AFG2A: variants seen among roughly 807,000 people sequenced by gnomAD.
AFG2A encodes ATPase family gene 2 protein homolog A.
At chr4:123,278,678 A>C in the AFG2A span, among the ~76,000 whole-genome samples, 1 of 152,168 alleles carries the variant, frequency 6.6e-6, no homozygotes. Flanking sequence ...GTTTCAAAGA[A>C]TTTCTTGATG....
At chr4:122,947,452 G>A in the AFG2A span, 4 of 1,613,548 alleles carry the variant, frequency 2.5e-6, no homozygotes, top group Admixed American at 1.7e-5. Flanking sequence ...TCATGGATAC[G>A]TTGGAGCAGA....
At chr4:123,247,220 C>CGTGTGTGT in the AFG2A span, among the ~76,000 whole-genome samples, 4 of 93,728 alleles carry the variant, frequency 4.3e-5, no homozygotes, top group Non-Finnish European at 1.1e-4. Flanking sequence ...TGCTTACTTG[C>CGTGTGTGT]GTGCGTGTGT....
At chr4:122,932,064 C>T in the AFG2A span, among the ~76,000 whole-genome samples, 2 of 151,448 alleles carry the variant, frequency 1.3e-5, no homozygotes, top group Admixed American at 1.3e-4. Context: ...CTTAGGAGTT[C>T]GAGACCAGCC....
the AFG2A span, among the ~76,000 whole-genome samples, chr4:123,012,612 T>G: frequency 6.6e-6 from 1 of 152,152 alleles, no homozygotes; most frequent in African/African-American, 2.4e-5. Flanking sequence ...GAAGACTGTC[T>G]TCTCAAGTCT....
chr4:123,074,138 G>T, the AFG2A span, among the ~76,000 whole-genome samples: 1 of 126,090 alleles, frequency 7.9e-6, no homozygotes. Flanking sequence ...CTGTTGCCCA[G>T]GCTGGAGTGC....
the AFG2A span, among the ~76,000 whole-genome samples, chr4:123,118,348 A>AT: frequency 3.8e-5 from 2 of 52,162 alleles, no homozygotes; most frequent in African/African-American, 7.2e-5. Context: ...ATTATATTAT[A>AT]TATATTATAT....
the AFG2A span, among the ~76,000 whole-genome samples, chr4:123,015,402 C>T: frequency 6.6e-6 from 1 of 151,876 alleles, no homozygotes; most frequent in Admixed American, 6.6e-5. Flanking sequence ...GAGCATGCTG[C>T]CTTCAAGCAT....
chr4:123,295,145 G>A, the AFG2A span, among the ~76,000 whole-genome samples: 1 of 152,176 alleles, frequency 6.6e-6, no homozygotes, highest in African/African-American at 2.4e-5. Context: ...AAGACTGAGT[G>A]TGAGTCAGCT....
the AFG2A span, among the ~76,000 whole-genome samples, chr4:122,941,109 G>A: frequency 2.0e-5 from 3 of 149,652 alleles, no homozygotes; most frequent in Admixed American, 2.0e-4. Flanking sequence ...TTGACTTGGT[G>A]ATGCGGGCTC....
chr4:123,141,225 C>G, the AFG2A span, among the ~76,000 whole-genome samples: 2 of 152,134 alleles, frequency 1.3e-5, no homozygotes, highest in African/African-American at 4.8e-5. Context: ...AGGGGACTTG[C>G]TTGTTCTGGT....
At chr4:122,926,819 G>A in the AFG2A span, among the ~76,000 whole-genome samples, 5 of 152,212 alleles carry the variant, frequency 3.3e-5, no homozygotes, top group South Asian at 4.1e-4. Context: ...GCTATTTATT[G>A]TGCAACTGCT....
At chr4:123,132,836 A>G in the AFG2A span, among the ~76,000 whole-genome samples, 1 of 141,356 alleles carries the variant, frequency 7.1e-6, no homozygotes, top group East Asian at 2.1e-4. Flanking sequence ...GCTGAAGTGC[A>G]GTGGTGCGAT....
the AFG2A span, among the ~76,000 whole-genome samples, chr4:123,071,558 A>G: frequency 6.6e-6 from 1 of 152,026 alleles, no homozygotes; most frequent in African/African-American, 2.4e-5. Flanking sequence ...TGTAATGAAT[A>G]TTGTCTGTGT....
the AFG2A span, among the ~76,000 whole-genome samples, chr4:123,015,661 G>A: frequency 3.6e-3 from 537 of 151,064 alleles, 3 homozygotes; most frequent in Middle Eastern, 0.014. Flanking sequence ...CCACAAAACC[G>A]CCATTGTCAT....
chr4:123,147,298 G>T, the AFG2A span, among the ~76,000 whole-genome samples: 3,767 of 152,126 alleles, frequency 0.025, 153 homozygotes, highest in African/African-American at 0.084. Context: ...GGGGGTGGAA[G>T]TTTCTCTTCT....
the AFG2A span, among the ~76,000 whole-genome samples, chr4:123,082,098 T>C: frequency 1.3e-5 from 2 of 152,208 alleles, no homozygotes; most frequent in African/African-American, 4.8e-5. Flanking sequence ...ATTTTCTTGA[T>C]GTCGTCTTTT....
At chr4:123,133,430 C>T in the AFG2A span, among the ~76,000 whole-genome samples, 1 of 151,938 alleles carries the variant, frequency 6.6e-6, no homozygotes, top group Non-Finnish European at 1.5e-5. Flanking sequence ...TGGTTACAGG[C>T]ATATGTGCCT....
the AFG2A span, among the ~76,000 whole-genome samples, chr4:122,972,400 A>G: frequency 6.6e-6 from 1 of 151,992 alleles, no homozygotes; most frequent in Non-Finnish European, 1.5e-5. Flanking sequence ...TCATTTTCAG[A>G]CAACCAACCT....
the AFG2A span, among the ~76,000 whole-genome samples, chr4:123,007,642 A>ACACAC: frequency 2.0e-4 from 5 of 25,524 alleles, no homozygotes; most frequent in South Asian, 1.9e-3. Flanking sequence ...ACACACACAC[A>ACACAC]ACACACACAC....
Sources: gnomAD v4.1 joint callset for allele counts (sites outside exome capture counted in the v4.1 genomes callset) on GRCh38, gnomAD v4.1.1 for gene constraint, MANE v1.5 for transcripts, NCBI Gene and HGNC (gene_info 2026-07-23, HGNC 2026-07-21) for gene names.